Variants in ENOX2 observed in about 807,000 individuals in gnomAD.
ENOX2 encodes APK1 antigen.
A neutral mutation model predicts 45.0 loss-of-function variants in ENOX2; 36 were observed. The observed-to-expected ratio is 0.80, with a 90% CI of 0.61 to 1.06. The LOEUF is 1.06. Ranked by LOEUF, ENOX2 falls within the 50% of genes least tolerant of loss-of-function variation. The pLI, the probability that ENOX2 is intolerant of heterozygous loss-of-function variation, is 0.00. For synonymous variants in ENOX2, 174 were observed against 152.3 expected (o/e 1.14, Z -1.05); for missense variants, 423 against 462.5 (o/e 0.91, Z 0.78).
rs182364755 is a variant in ENOX2, at chrX:130,804,648, T to C, written c.-182-20958A>G. ...ATGTAGTGGGGCCACTGCACAAAAA[T>C]ACTCTTTGTCCCCTACCACTAAAAA... On this transcript the variant is annotated intron_variant, in intron 2 of 14. Coordinates refer to ENST00000394363, the MANE Select transcript of ENOX2 (RefSeq NM_006375.4). 6.3e-5 allele frequency among the ~76,000 whole-genome samples: 7 copies of C among 111,662 alleles called. No homozygotes were observed. The East Asian group carries it at 1.7e-3, about 27-fold the overall frequency.
intron 2 of ENOX2, among the ~76,000 whole-genome samples, chrX:130,813,065 G>T (rs772885559): frequency 8.9e-6 from 1 of 111,789 alleles, no homozygotes; most frequent in Non-Finnish European, 1.9e-5. Context: ...AATTACGAAC[G>T]CTTAACCAGT....
intron 9 of ENOX2, among the ~76,000 whole-genome samples, chrX:130,664,161 G>A (rs916370751): frequency 9.8e-5 from 11 of 112,231 alleles, no homozygotes; most frequent in East Asian, 2.8e-4. Context: ...TCCCTTTGCC[G>A]TGCCAGAATT....
intron 2 of ENOX2, among the ~76,000 whole-genome samples, chrX:130,877,286 T>C (rs1406197809): frequency 8.9e-6 from 1 of 112,229 alleles, no homozygotes; most frequent in African/African-American, 3.2e-5. Context: ...GCACATCTAC[T>C]GGATTGCTCT....
chrX:130,891,506 T>G (rs1349178229), intron 2 of ENOX2, among the ~76,000 whole-genome samples: 2 of 94,807 alleles, frequency 2.1e-5, no homozygotes, highest in Admixed American at 1.2e-4. Context: ...TTTTTTTTTT[T>G]TTTTTTTTTT....
intron 3 of ENOX2, among the ~76,000 whole-genome samples, chrX:130,733,265 T>TG (rs1291438543): frequency 9.0e-6 from 1 of 111,164 alleles, no homozygotes; most frequent in Non-Finnish European, 1.9e-5. Context: ...AATAGCTATG[T>TG]GAAAAAAATG....
chrX:130,849,298 G>A (rs1247333000), intron 2 of ENOX2, among the ~76,000 whole-genome samples: 4 of 112,488 alleles, frequency 3.6e-5, no homozygotes, highest in Non-Finnish European at 5.6e-5. Context: ...ACCTATATAT[G>A]TTCCAGTTTT....
intron 2 of ENOX2, among the ~76,000 whole-genome samples, chrX:130,888,371 C>T (rs750956399): frequency 1.8e-5 from 2 of 111,776 alleles, no homozygotes; most frequent in South Asian, 3.8e-4. Context: ...ATGATACAAC[C>T]GAAGGAGCAC....
intron 4 of ENOX2, 63 bp from the exon 5 acceptor site, chrX:130,689,081 T>A: frequency 9.8e-7 from 1 of 1,016,456 alleles, no homozygotes; most frequent in Non-Finnish European, 1.4e-6. Flanking sequence ...GATAGAATGT[T>A]ACTTTGTAAG....
chrX:130,755,908 G>A (rs547069374), intron 3 of ENOX2, among the ~76,000 whole-genome samples: 5 of 109,885 alleles, frequency 4.6e-5, no homozygotes, highest in South Asian at 3.9e-4. Context: ...GTAACCATCC[G>A]TCTACTCACT....
At chrX:130,755,441 G>A (rs979142357) in intron 3 of ENOX2, among the ~76,000 whole-genome samples, 1 of 111,192 alleles carries the variant, frequency 9.0e-6, no homozygotes, top group Non-Finnish European at 1.9e-5. Flanking sequence ...GGAATCAGGA[G>A]AGCTATGTGA....
intron 2 of ENOX2, among the ~76,000 whole-genome samples, chrX:130,901,329 T>C (rs762561692): frequency 8.9e-6 from 1 of 112,550 alleles, no homozygotes; most frequent in African/African-American, 3.2e-5. Context: ...TTATAATCTA[T>C]GTGACTTTAA....
chrX:130,720,387 G>A (rs2038444649), intron 3 of ENOX2, among the ~76,000 whole-genome samples: 2 of 112,521 alleles, frequency 1.8e-5, no homozygotes, highest in Admixed American at 9.4e-5. Flanking sequence ...AGGGAGCTAA[G>A]GTAAGGAAGC....
intron 3 of ENOX2, among the ~76,000 whole-genome samples, chrX:130,743,860 T>C (rs188004620): frequency 2.4e-4 from 27 of 111,940 alleles, no homozygotes; most frequent in Admixed American, 5.7e-4. Flanking sequence ...TGAAGGACCA[T>C]CATGTGGATG....
Position 130,688,986 on chromosome X carries a change from T to A in ENOX2, c.130A>T (p.Ile44Phe). The A allele has an allele frequency of 3.3e-6, 4 of 1,208,162 alleles. No individual in the cohort carries two copies. The highest frequency in any genetic ancestry group is 3.4e-6 in the Non-Finnish European group (3 of 893,174). ...GGCATCATTGGAGTTATTGGTGGAA[T>A]TCCAGTCATCATTCCAAGAGCAGGA... Reference protein sequence around the residue: ...FDPALGMMTGIPPITPMMPGL... With the variant: ...FDPALGMMTGFPPITPMMPGL... Residue 44 changes from isoleucine to phenylalanine, a missense_variant, in exon 5 of 15, where the codon ATT becomes TTT. This residue lies in a region of ENOX2 where 261 missense variants were observed against 306.8 expected (regional missense o/e 0.85). Coordinates refer to ENST00000394363, the MANE Select transcript of ENOX2 (RefSeq NM_006375.4).
Position 130,635,059 on chromosome X carries a change from C to A in ENOX2, c.1344G>T (p.Lys448Asn), listed in dbSNP as rs765900508. 1 of 1,183,422 alleles carries A rather than the reference C, an allele frequency of 8.5e-7. No homozygotes were observed. The highest frequency in any genetic ancestry group is 1.1e-6 in the Non-Finnish European group (1 of 871,994). ...TGAGTTTTTCAAGTTCAGCTTCTTTCTTTTTGTATTCCTCTTGGACTTTGA... is the reference window on the plus strand; with the variant it reads ...TGAGTTTTTCAAGTTCAGCTTCTTTATTTTTGTATTCCTCTTGGACTTTGA... ...HLLKVQEEYK[K>N]KEAELEKLKD... Residue 448 changes from lysine to asparagine, a missense_variant, in exon 12 of 15, where the codon AAG becomes AAT. Coordinates refer to ENST00000394363, the MANE Select transcript of ENOX2 (RefSeq NM_006375.4).
intron 2 of ENOX2, among the ~76,000 whole-genome samples, chrX:130,900,940 G>A (rs934244182): frequency 8.9e-6 from 1 of 112,004 alleles, no homozygotes; most frequent in Non-Finnish European, 1.9e-5. Context: ...TAGTGTCCCA[G>A]GTAACTTCTT....
chrX:130,819,725 C>A (rs766755327), intron 2 of ENOX2, among the ~76,000 whole-genome samples: 2 of 110,601 alleles, frequency 1.8e-5, no homozygotes. Context: ...GGCCTGTCAG[C>A]GGGTGGGAGG....
At chrX:130,681,994 T>C (rs1281773019) in intron 5 of ENOX2, among the ~76,000 whole-genome samples, 2 of 106,582 alleles carry the variant, frequency 1.9e-5, no homozygotes, top group East Asian at 3.0e-4. Flanking sequence ...AAGATACATA[T>C]GGCTTTGACC....
intron 2 of ENOX2, among the ~76,000 whole-genome samples, chrX:130,831,267 A>G (rs2077822317): frequency 8.9e-6 from 1 of 111,743 alleles, no homozygotes; most frequent in African/African-American, 3.3e-5. Flanking sequence ...AATACTGTTA[A>G]CATTGGCAAT....
Sources: allele counts gnomAD v4.1 joint callset (sites outside exome capture counted in the v4.1 genomes callset), GRCh38; gene constraint gnomAD v4.1.1; regional missense constraint gnomAD v4.1.1; transcripts MANE v1.5; gene names NCBI Gene and HGNC (gene_info 2026-07-23, HGNC 2026-07-21).